DGKH: variants seen among roughly 807,000 people sequenced by gnomAD.
The protein encoded by DGKH is diacylglycerol kinase eta.
A neutral mutation model predicts 159.3 loss-of-function variants in DGKH; 90 were observed. The ratio of observed to expected loss-of-function variants is 0.57; its 90% CI spans 0.48 to 0.67. The LOEUF (loss-of-function observed/expected upper bound fraction) is 0.67. DGKH is among the 30% of genes least tolerant of loss of function. The probability of loss-of-function intolerance (pLI) is 0.00; values close to 1 mark genes in which losing one functional copy is unlikely to be tolerated. For missense variants in DGKH, 1,181 were observed against 1,506.1 expected (o/e 0.78, Z 3.57); for synonymous variants, 536 against 553.8 (o/e 0.97, Z 0.45).
chr13:42,065,804 C>A (rs1023881685), intron 1 of DGKH, among the ~76,000 whole-genome samples: 9 of 151,970 alleles, frequency 5.9e-5, no homozygotes, highest in African/African-American at 2.2e-4. Flanking sequence ...TCATTGTAAC[C>A]CCATGTTTGT....
At chr13:42,158,308 T>C (rs1956093516) in intron 5 of DGKH, among the ~76,000 whole-genome samples, 1 of 152,214 alleles carries the variant, frequency 6.6e-6, no homozygotes, top group East Asian at 1.9e-4. Context: ...TCATTTAAAT[T>C]TAGCAACACT....
chr13:42,174,878 T>C (rs551456109), intron 12 of DGKH, among the ~76,000 whole-genome samples: 1 of 152,238 alleles, frequency 6.6e-6, no homozygotes, highest in South Asian at 2.1e-4. Flanking sequence ...GCCCCTACTC[T>C]TCTGAAGGGA....
chr13:42,040,662 C>T (rs914540504), intron 1 of DGKH, among the ~76,000 whole-genome samples: 22 of 150,014 alleles, frequency 1.5e-4, no homozygotes, highest in Admixed American at 3.3e-4. Context: ...AAGGAGGAGG[C>T]GGCGGAGGAG....
At chr13:42,243,405 G>A (rs976443097), downstream of DGKH, among the ~76,000 whole-genome samples, 1 of 152,124 alleles carries the variant, frequency 6.6e-6, no homozygotes, top group Non-Finnish European at 1.5e-5. Context: ...AATTTGGTTT[G>A]CATTTATAGT....
At position 42,232,381 on chromosome 13, in the gene DGKH, A is replaced by G. The variant is rs945447023; in HGVS notation, c.*3193A>G. 6.6e-6 allele frequency: 1 copy of G among 152,204 alleles called. No individual in the cohort carries two copies. The highest frequency in any genetic ancestry group is 2.4e-5 in the African/African-American group (1 of 41,436). 9.4% of individuals were successfully genotyped at this position (152,204 alleles called of 1,614,324 possible). On this transcript the variant is annotated 3_prime_UTR_variant, in exon 30 of 30. Transcript: ENST00000337343. ...TTTCCTGAGGAAGAACTTGCTTTTA[A>G]AGGAGGAAAGGGACAGAATCAGACC...
intron 13 of DGKH, among the ~76,000 whole-genome samples, chr13:42,178,525 T>C (rs933084040): frequency 2.0e-5 from 3 of 152,224 alleles, no homozygotes; most frequent in Non-Finnish European, 4.4e-5. Context: ...TGATTACTTA[T>C]AATATGGAAA....
intron 15 of DGKH, among the ~76,000 whole-genome samples, 181 bp from the exon 16 acceptor site, chr13:42,190,222 C>G (rs1957027750): frequency 6.6e-6 from 1 of 152,082 alleles, no homozygotes; most frequent in Admixed American, 6.5e-5. Context: ...ATTTTAGCAA[C>G]TTTAGTTTTT....
chr13:42,159,420 A>G (rs1368434359), intron 6 of DGKH, 48 bp downstream of exon 6: 4 of 1,272,864 alleles, frequency 3.1e-6, no homozygotes, highest in Non-Finnish European at 4.6e-6. Flanking sequence ...CTCCTCTTTT[A>G]TGTTCTGCTC....
rs1054430880 is a variant in DGKH, at chr13:42,237,865, C to A, written c.*8677C>A. The A allele has an allele frequency of 6.6e-5, 10 of 152,174 alleles. No homozygotes were observed. Among genetic ancestry groups the A allele is most frequent in the African/African-American group, 2.4e-4 (10 of 41,430 alleles). The allele number at this position is 152,174 out of a possible 1,614,324, so 9.4% of individuals were successfully genotyped here. A position where few individuals can be genotyped will look rare whatever the true frequency, so the allele number is the denominator to read the frequency against. On this transcript the variant is annotated 3_prime_UTR_variant, in exon 30 of 30. Coordinates refer to ENST00000337343, the MANE Select transcript of DGKH (RefSeq NM_178009.5). ...TGTGGATCAGACCATACCCTGCAGA[C>A]CAAGGAGATTTTCTTAAACTTGCTA... is the stretch of plus-strand genomic sequence containing the variant.
chr13:42,154,111 G>A (rs2137948775), intron 3 of DGKH, among the ~76,000 whole-genome samples: 1 of 152,258 alleles, frequency 6.6e-6, no homozygotes, highest in Middle Eastern at 3.4e-3. Flanking sequence ...CTTTTGGGAA[G>A]GATTCTTTTT....
chr13:42,223,996 T>G (rs1566212853), intron 29 of DGKH, among the ~76,000 whole-genome samples: 1 of 152,186 alleles, frequency 6.6e-6, no homozygotes, highest in African/African-American at 2.4e-5. Context: ...CATGCAATGT[T>G]TGTCTTCCCG....
intron 29 of DGKH, among the ~76,000 whole-genome samples, chr13:42,223,940 T>C (rs1408099787): frequency 6.6e-6 from 1 of 152,144 alleles, no homozygotes; most frequent in African/African-American, 2.4e-5. Flanking sequence ...ATCATTCCAC[T>C]AGGTCCTTGT....
intron 1 of DGKH, among the ~76,000 whole-genome samples, chr13:42,085,288 A>G (rs1954280806): frequency 6.6e-6 from 1 of 150,868 alleles, no homozygotes; most frequent in Middle Eastern, 3.5e-3. Context: ...TGAGCAAAAT[A>G]GTTTATGGAT....
chr13:42,130,380 T>G (rs1403780858), intron 3 of DGKH, among the ~76,000 whole-genome samples: 1 of 152,256 alleles, frequency 6.6e-6, no homozygotes, highest in East Asian at 1.9e-4. Flanking sequence ...TTCCAGCTTC[T>G]TTCATTCACA....
At chr13:42,171,293 G>C (rs915908809) in intron 11 of DGKH, among the ~76,000 whole-genome samples, 2 of 152,172 alleles carry the variant, frequency 1.3e-5, no homozygotes, top group Admixed American at 6.5e-5. Context: ...GAACGGGCAT[G>C]GTAAACTGCA....
At chr13:42,209,270 A>G (rs1957578761) in intron 22 of DGKH, 61 bp from the exon 23 acceptor site, 1 of 1,566,328 alleles carries the variant, frequency 6.4e-7, no homozygotes. Flanking sequence ...AAGCCTTCAT[A>G]AAGATTGAGT....
chr13:42,185,476 G>A (rs1158611289), intron 13 of DGKH, among the ~76,000 whole-genome samples: 1 of 152,128 alleles, frequency 6.6e-6, no homozygotes, highest in East Asian at 1.9e-4. Context: ...GGACTGAAGG[G>A]CTCTGTCTCT....
intron 2 of DGKH, among the ~76,000 whole-genome samples, chr13:42,128,913 T>C (rs768377472): frequency 6.6e-5 from 10 of 152,216 alleles, no homozygotes; most frequent in Non-Finnish European, 1.3e-4. Context: ...CGGTGCACCG[T>C]TATCCCTGCC....
chr13:42,220,795 G>C (rs1957947530), intron 28 of DGKH, among the ~76,000 whole-genome samples: 1 of 152,122 alleles, frequency 6.6e-6, no homozygotes, highest in Non-Finnish European at 1.5e-5. Context: ...CACTACACTT[G>C]AAGTCAGCAA....
Sources: gnomAD v4.1 joint callset for allele counts (sites outside exome capture counted in the v4.1 genomes callset) on GRCh38, gnomAD v4.1.1 for gene constraint, MANE v1.5 for transcripts, NCBI Gene and HGNC (gene_info 2026-07-23, HGNC 2026-07-21) for gene names.